QTGAL: variants seen among roughly 807,000 people sequenced by gnomAD.
QTGAL encodes BGnT-like protein 1.
chr17:82,954,579 C>T, the QTGAL span, among the ~76,000 whole-genome samples: 1 of 152,068 alleles, frequency 6.6e-6, no homozygotes, highest in Non-Finnish European at 1.5e-5. Flanking sequence ...TAGATTCAAT[C>T]CCATTCCCAT....
chr17:82,979,590 C>T, the QTGAL span, among the ~76,000 whole-genome samples: 1 of 152,076 alleles, frequency 6.6e-6, no homozygotes, highest in Non-Finnish European at 1.5e-5. Context: ...CTAAAAACTA[C>T]AACATGTGAA....
At chr17:82,991,425 T>A in the QTGAL span, among the ~76,000 whole-genome samples, 1 of 152,216 alleles carries the variant, frequency 6.6e-6, no homozygotes, top group South Asian at 2.1e-4. Context: ...CCGATTTCGC[T>A]TCTCTCTCAT....
chr17:82,986,290 A>G, the QTGAL span, among the ~76,000 whole-genome samples: 1 of 152,190 alleles, frequency 6.6e-6, no homozygotes, highest in Non-Finnish European at 1.5e-5. Flanking sequence ...TTCCTTGGTA[A>G]TCGTCAACAT....
the QTGAL span, among the ~76,000 whole-genome samples, chr17:83,025,669 C>CGGAGAGTCCACACACGGACACCGT: frequency 2.3e-4 from 33 of 141,770 alleles, no homozygotes; most frequent in African/African-American, 7.5e-4. Context: ...ACGGACACCG[C>CGGAGAGTCCACACACGGACACCGT]GGAGAGTCCA....
At chr17:82,955,071 C>A in the QTGAL span, among the ~76,000 whole-genome samples, 1 of 152,194 alleles carries the variant, frequency 6.6e-6, no homozygotes, top group African/African-American at 2.4e-5. Flanking sequence ...TGGGCAAGGA[C>A]TTCATGACTA....
At chr17:83,016,227 CA>C in the QTGAL span, among the ~76,000 whole-genome samples, 4 of 152,112 alleles carry the variant, frequency 2.6e-5, no homozygotes, top group Admixed American at 6.5e-5. Flanking sequence ...GTAAAAGGTA[CA>C]AATGTACTCA....
At chr17:82,942,531 GT>G in the QTGAL span, 3 of 1,609,638 alleles carry the variant, frequency 1.9e-6, no homozygotes, top group Non-Finnish European at 2.6e-6. Flanking sequence ...GGAGGCCGGT[GT>G]GGAAAGCCTC....
At chr17:82,952,235 G>C in the QTGAL span, among the ~76,000 whole-genome samples, 2 of 152,268 alleles carry the variant, frequency 1.3e-5, no homozygotes, top group East Asian at 3.9e-4. Flanking sequence ...GCTTCTGCGG[G>C]GCAGGAACCG....
the QTGAL span, among the ~76,000 whole-genome samples, chr17:83,012,741 CAT>C: frequency 3.3e-5 from 5 of 152,294 alleles, no homozygotes; most frequent in African/African-American, 9.6e-5. Flanking sequence ...ACTTTCCTCA[CAT>C]AAACTGTCCA....
At chr17:83,032,448 CTGAACAA>C in the QTGAL span, among the ~76,000 whole-genome samples, 1 of 125,996 alleles carries the variant, frequency 7.9e-6, no homozygotes, top group African/African-American at 3.3e-5. Context: ...AACTCGGGAG[CTGAACAA>C]CCAGGTCAGA....
At chr17:82,976,390 GTC>G in the QTGAL span, among the ~76,000 whole-genome samples, 2 of 35,258 alleles carry the variant, frequency 5.7e-5, no homozygotes, top group African/African-American at 2.5e-4. Flanking sequence ...ACTATGGAGA[GTC>G]AGGGCCCCGG....
the QTGAL span, among the ~76,000 whole-genome samples, chr17:82,999,567 T>A: frequency 6.6e-6 from 1 of 152,202 alleles, no homozygotes; most frequent in Non-Finnish European, 1.5e-5. Context: ...GGTTAACACA[T>A]ATTTTGTATG....
At chr17:83,023,364 G>A in the QTGAL span, among the ~76,000 whole-genome samples, 1 of 149,800 alleles carries the variant, frequency 6.7e-6, no homozygotes, top group Non-Finnish European at 1.5e-5. Flanking sequence ...CACTGTCCCC[G>A]GCCCACCTGC....
the QTGAL span, among the ~76,000 whole-genome samples, chr17:82,982,562 G>C: frequency 8.8e-6 from 1 of 113,552 alleles, no homozygotes; most frequent in Non-Finnish European, 1.8e-5. Flanking sequence ...CACCACGTGA[G>C]GACACGGTGA....
At chr17:83,026,624 GA>G in the QTGAL span, among the ~76,000 whole-genome samples, 1 of 137,756 alleles carries the variant, frequency 7.3e-6, no homozygotes, top group Admixed American at 7.2e-5. Context: ...ATACACAGAG[GA>G]GGGCAGGAAG....
the QTGAL span, chr17:83,006,435 A>G: frequency 1.0e-6 from 1 of 984,822 alleles, no homozygotes; most frequent in Non-Finnish European, 1.2e-6. This position sits in a 1 kb window ranked among gnomAD's most constrained non-coding sequence, Gnocchi z 5.8. Context: ...GTAAGAAACA[A>G]CTGTAGAGAG....
the QTGAL span, among the ~76,000 whole-genome samples, chr17:83,030,228 G>A: frequency 6.5e-3 from 984 of 152,166 alleles, 16 homozygotes; most frequent in African/African-American, 0.022. Context: ...CAAACCTTAC[G>A]GACACCCCTA....
the QTGAL span, among the ~76,000 whole-genome samples, chr17:83,025,686 C>T: frequency 1.3e-5 from 2 of 150,702 alleles, no homozygotes; most frequent in Admixed American, 6.6e-5. Context: ...TCCACACACA[C>T]GTAAGAAGAG....
the QTGAL span, among the ~76,000 whole-genome samples, chr17:83,007,676 C>T: frequency 6.6e-6 from 1 of 152,178 alleles, no homozygotes; most frequent in Non-Finnish European, 1.5e-5. Context: ...CCTGCTTCCA[C>T]TGCGCATGCC....
Sources: allele counts gnomAD v4.1 joint callset (sites outside exome capture counted in the v4.1 genomes callset), GRCh38; gene constraint gnomAD v4.1.1; non-coding constraint Gnocchi (gnomAD v3.1); transcripts MANE v1.5; gene names NCBI Gene and HGNC (gene_info 2026-07-23, HGNC 2026-07-21).